RIMS2: variants seen among roughly 807,000 people sequenced by gnomAD.
RIMS2 encodes the protein regulating synaptic membrane exocytosis protein 2.
Under a neutral mutation model 174.4 loss-of-function variants are expected in RIMS2, and 59 were observed. The ratio of observed to expected loss-of-function variants is 0.34; its 90% CI spans 0.27 to 0.42. The LOEUF is 0.42. Among genes scored for constraint, RIMS2 ranks in the 10% least tolerant of loss-of-function variants. The probability of loss-of-function intolerance (pLI) is 1.00; values close to 1 mark genes in which losing one functional copy is unlikely to be tolerated. For synonymous variants in RIMS2, 606 were observed against 572.5 expected (o/e 1.06, Z -0.84); for missense variants, 1,620 against 1,666.3 (o/e 0.97, Z 0.48).
At chr8:103,824,868 T>C (rs780423025) in intron 3 of RIMS2, among the ~76,000 whole-genome samples, 27 of 152,326 alleles carry the variant, frequency 1.8e-4, no homozygotes, top group Non-Finnish European at 2.8e-4. Context: ...ATGTGAGACG[T>C]AGAGTTAATG....
At chr8:103,725,817 A>G (rs1171879436) in intron 2 of RIMS2, among the ~76,000 whole-genome samples, 1 of 152,184 alleles carries the variant, frequency 6.6e-6, no homozygotes, top group African/African-American at 2.4e-5. Flanking sequence ...TTATATTCTT[A>G]CCAGCCAAAT....
chr8:103,965,561 T>G (rs2091582497), intron 15 of RIMS2, among the ~76,000 whole-genome samples: 1 of 152,190 alleles, frequency 6.6e-6, no homozygotes, highest in South Asian at 2.1e-4. Flanking sequence ...TTCTTTTGGG[T>G]TTTTACATAG....
At chr8:104,227,002 TTAATTTCATGA>T (rs1423373368) in intron 19 of RIMS2, among the ~76,000 whole-genome samples, 19 of 152,182 alleles carry the variant, frequency 1.2e-4, no homozygotes, top group Non-Finnish European at 2.4e-4. Context: ...CCACATTCCT[TTAATTTCATGA>T]TAATTTTTCA....
rs566377095 is a variant in RIMS2 at position 104,058,337 on chromosome 8, T to A, written c.3334+43722T>A. On this transcript the variant is annotated intron_variant, in intron 19 of 23. Coordinates refer to ENST00000504942, the Ensembl canonical transcript of RIMS2. ...ATGGCCAGTGATGATGAGCATTTTT[T>A]CATGTGTCTTTTGGCTGCATAAATG... 2.0e-5 allele frequency among the ~76,000 whole-genome samples: 3 copies of A among 148,152 alleles called. No homozygotes were observed. The East Asian group carries it at 5.9e-4, about 29-fold the overall frequency.
At chr8:104,213,867 C>T (rs900097643) in intron 19 of RIMS2, among the ~76,000 whole-genome samples, 4 of 140,244 alleles carry the variant, frequency 2.9e-5, no homozygotes, top group Admixed American at 1.4e-4. Context: ...CAGAGCGAGA[C>T]TCTGCCTCGG....
chr8:104,049,780 T>C (rs1410575553), intron 19 of RIMS2, among the ~76,000 whole-genome samples: 1 of 152,182 alleles, frequency 6.6e-6, no homozygotes, highest in Non-Finnish European at 1.5e-5. Context: ...CAAAAAGACA[T>C]AGTCTACCAC....
rs78197294 is a variant in RIMS2, at chr8:104,244,035, C to T, written c.3335-881C>T. Among the ~76,000 whole-genome samples the T allele has an allele frequency of 3.4e-4, 51 of 152,226 alleles. No homozygotes were observed. In the South Asian group the frequency reaches 4.2e-3, roughly 12 times the overall value. Reference sequence around the variant, plus strand: ...CTTACGAAGCTCTCTTCTCACCTCTCGTTAAGTCCCAATCTGCCTATGTTT... The same window carrying T: ...CTTACGAAGCTCTCTTCTCACCTCTTGTTAAGTCCCAATCTGCCTATGTTT... On this transcript the variant is annotated intron_variant, in intron 19 of 23. Transcript: ENST00000504942.
At chr8:103,760,916 A>G (rs948720705) in intron 2 of RIMS2, among the ~76,000 whole-genome samples, 3 of 152,222 alleles carry the variant, frequency 2.0e-5, no homozygotes, top group Non-Finnish European at 4.4e-5. Flanking sequence ...TTACTTGCCC[A>G]TCTATAAATA....
intron 19 of RIMS2, among the ~76,000 whole-genome samples, chr8:104,125,629 C>T (rs990406455): frequency 6.6e-6 from 1 of 152,052 alleles, no homozygotes; most frequent in Non-Finnish European, 1.5e-5. Context: ...TTAAATGATC[C>T]TAGAGAATAA....
At chr8:103,846,949 A>G (rs1564891414) in intron 3 of RIMS2, among the ~76,000 whole-genome samples, 1 of 152,136 alleles carries the variant, frequency 6.6e-6, no homozygotes, top group Non-Finnish European at 1.5e-5. Context: ...GAGTCACTCC[A>G]GTGGCTAACC....
chr8:103,760,376 A>G (rs1487963571), intron 2 of RIMS2, among the ~76,000 whole-genome samples: 1 of 152,234 alleles, frequency 6.6e-6, no homozygotes, highest in Non-Finnish European at 1.5e-5. Context: ...TGTAATCCAG[A>G]ATCTTAGTAT....
chr8:104,164,691 T>C (rs541886016), intron 19 of RIMS2, among the ~76,000 whole-genome samples: 3 of 152,124 alleles, frequency 2.0e-5, no homozygotes, highest in African/African-American at 7.2e-5. Flanking sequence ...CTTAGCAAAC[T>C]AATGCAGGAA....
chr8:104,056,793 G>A (rs2096876545), intron 19 of RIMS2, among the ~76,000 whole-genome samples: 1 of 152,180 alleles, frequency 6.6e-6, no homozygotes, highest in Admixed American at 6.5e-5. Context: ...GCTGAGGCAG[G>A]AGGATCACTT....
intron 19 of RIMS2, among the ~76,000 whole-genome samples, chr8:104,117,772 A>G (rs1209045951): frequency 3.9e-5 from 6 of 152,222 alleles, no homozygotes; most frequent in South Asian, 2.1e-4. Context: ...CTTAATGTAT[A>G]TATTTGGGAA....
At chr8:103,836,067 C>G (rs1226831661) in intron 3 of RIMS2, among the ~76,000 whole-genome samples, 1 of 152,056 alleles carries the variant, frequency 6.6e-6, no homozygotes, top group Non-Finnish European at 1.5e-5. Context: ...GGGTGGGCAT[C>G]TATTACAAAG....
At chr8:104,076,848 G>T (rs369080640) in intron 19 of RIMS2, among the ~76,000 whole-genome samples, 12 of 144,846 alleles carry the variant, frequency 8.3e-5, no homozygotes, top group African/African-American at 3.1e-4. Flanking sequence ...ACATAGTCTC[G>T]CTCTGTTGCT....
chr8:103,587,469 A>AAAGAAAG (rs59840606), intron 1 of RIMS2, among the ~76,000 whole-genome samples: 156 of 59,986 alleles, frequency 2.6e-3, no homozygotes, highest in Non-Finnish European at 4.4e-3. Flanking sequence ...AGAAAGAAAG[A>AAAGAAAG]AACTATGCAC....
At chr8:103,588,146 T>A (rs984426510) in intron 1 of RIMS2, among the ~76,000 whole-genome samples, 8 of 151,786 alleles carry the variant, frequency 5.3e-5, no homozygotes, top group African/African-American at 1.9e-4. Flanking sequence ...CAATTCTATT[T>A]ACAAAAGTGA....
At chr8:104,199,042 T>TTTATC (rs2099040164) in intron 19 of RIMS2, among the ~76,000 whole-genome samples, 1 of 10,368 alleles carries the variant, frequency 9.6e-5, no homozygotes, top group Non-Finnish European at 1.4e-4. Flanking sequence ...AAATATAACT[T>TTTATC]TTATTTTATT....
Sources: allele counts gnomAD v4.1 joint callset (sites outside exome capture counted in the v4.1 genomes callset), GRCh38; gene constraint gnomAD v4.1.1; transcripts MANE v1.5; gene names NCBI Gene and HGNC (gene_info 2026-07-23, HGNC 2026-07-21).